Variants in CDH13 observed in about 807,000 individuals in gnomAD.
The protein encoded by CDH13 is cadherin-13.
In CDH13, 24 loss-of-function variants were observed where a neutral mutation model predicts 63.8. That is an observed-to-expected ratio of 0.38 (90% confidence interval 0.27 to 0.53). The LOEUF is 0.53. Among genes scored for constraint, CDH13 ranks in the 20% least tolerant of loss-of-function variants. The probability of loss-of-function intolerance (pLI) is 0.85; values close to 1 mark genes in which losing one functional copy is unlikely to be tolerated. For missense variants in CDH13, 1,049 were observed against 903.1 expected (o/e 1.16, Z -2.07); for synonymous variants, 503 against 355.3 (o/e 1.42, Z -4.67).
Position 82,980,562 on chromosome 16 carries a change from A to G in CDH13, c.158-51448A>G, listed in dbSNP as rs959147720. ...TTTTTTGAAGGCTCATTTCATGGTA[A>G]CACTGTGCGGAGCTCTTAAGTCAAA... is the stretch of plus-strand genomic sequence containing the variant. On this transcript the variant is annotated intron_variant, in intron 2 of 13. Transcript: ENST00000567109. Among the ~76,000 whole-genome samples, 4 of 152,226 alleles carry G rather than the reference A, an allele frequency of 2.6e-5. No individual in the cohort carries two copies. In the East Asian group the frequency reaches 7.7e-4, roughly 29 times the overall value.
intron 4 of CDH13, among the ~76,000 whole-genome samples, chr16:83,186,465 G>C (rs553898856): frequency 1.3e-5 from 2 of 152,088 alleles, no homozygotes; most frequent in Non-Finnish European, 2.9e-5. Flanking sequence ...TCGACTTTTC[G>C]AGACAGCCTT....
In CDH13 at chr16:82,993,193, A is replaced by G. The variant is rs370983497; in HGVS notation, c.158-38817A>G. ...TTCCTTCTGCTAACATTTTATGACTATTCTTTGTGGGTTAATTTCACATTT... is the reference window on the plus strand; with the variant it reads ...TTCCTTCTGCTAACATTTTATGACTGTTCTTTGTGGGTTAATTTCACATTT... On this transcript the variant is annotated intron_variant, in intron 2 of 13. Coordinates refer to ENST00000567109, the MANE Select transcript of CDH13 (RefSeq NM_001257.5). Among the ~76,000 whole-genome samples the G allele has an allele frequency of 3.9e-5, 6 of 152,248 alleles. No individual in the cohort carries two copies. In the South Asian group the frequency reaches 8.3e-4, roughly 21 times the overall value.
chr16:83,393,786 G>T (rs1025035752), intron 6 of CDH13, among the ~76,000 whole-genome samples: 3 of 152,158 alleles, frequency 2.0e-5, no homozygotes, highest in Non-Finnish European at 4.4e-5. Context: ...GCAATGCCAG[G>T]CTTCTGGCCT....
chr16:83,202,179 A>C (rs115653894), intron 4 of CDH13, among the ~76,000 whole-genome samples: 3,362 of 152,228 alleles, frequency 0.022, 52 homozygotes, highest in Middle Eastern at 0.061. Context: ...CTTCCGAAAG[A>C]AATGATCTTG....
intron 5 of CDH13, among the ~76,000 whole-genome samples, chr16:83,260,897 C>G (rs1002925029): frequency 2.6e-5 from 4 of 152,030 alleles, no homozygotes; most frequent in Admixed American, 1.3e-4. Flanking sequence ...CTAGAACTGA[C>G]AGTGAAATGG....
chr16:83,144,902 A>G (rs1419961854), intron 4 of CDH13, among the ~76,000 whole-genome samples: 2 of 152,172 alleles, frequency 1.3e-5, no homozygotes, highest in African/African-American at 4.8e-5. Context: ...CCTGGGCTGC[A>G]GAGGGTAGGT....
chr16:82,803,959 A>G (rs1432545461), intron 1 of CDH13, among the ~76,000 whole-genome samples: 1 of 152,154 alleles, frequency 6.6e-6, no homozygotes, highest in Non-Finnish European at 1.5e-5. Context: ...GCTGGGCGCC[A>G]TGGCTGATGC....
In CDH13 at chr16:83,397,028, A is replaced by G. The variant is rs182704343; in HGVS notation, c.781+52022A>G. Among the ~76,000 whole-genome samples, 22 of 152,232 alleles carry G rather than the reference A, an allele frequency of 1.4e-4. No homozygotes were observed. The East Asian group carries it at 3.1e-3, about 21-fold the overall frequency. On this transcript the variant is annotated intron_variant, in intron 6 of 13. Transcript: ENST00000567109. Reference sequence around the variant, plus strand: ...TGGGAAGCCAAGCAGCCTTGGCTAAAAAGCCTGCAGCTGTGATCTATGTCC... The same window carrying G: ...TGGGAAGCCAAGCAGCCTTGGCTAAGAAGCCTGCAGCTGTGATCTATGTCC...
chr16:83,692,508 T>G (rs181677683), intron 10 of CDH13, among the ~76,000 whole-genome samples: 118 of 152,340 alleles, frequency 7.7e-4, no homozygotes, highest in African/African-American at 2.8e-3. Context: ...CTGTCCCGGT[T>G]TCTTTCCATT....
At chr16:83,239,676 A>T (rs2151813209) in intron 5 of CDH13, among the ~76,000 whole-genome samples, 1 of 152,268 alleles carries the variant, frequency 6.6e-6, no homozygotes, top group Admixed American at 6.5e-5. Flanking sequence ...TTCTACTCTC[A>T]TTCACTCACT....
At chr16:83,435,416 T>G (rs1009576503) in intron 6 of CDH13, among the ~76,000 whole-genome samples, 1 of 152,126 alleles carries the variant, frequency 6.6e-6, no homozygotes, top group African/African-American at 2.4e-5. Context: ...TGTCATCCCC[T>G]TCAAAGCCTT....
At chr16:82,857,755 A>G (rs928940675) in intron 1 of CDH13, among the ~76,000 whole-genome samples, 1 of 152,234 alleles carries the variant, frequency 6.6e-6, no homozygotes, top group Non-Finnish European at 1.5e-5. Context: ...TGTAATTAAT[A>G]TGAAATTATT....
At chr16:83,083,922 A>T (rs920117524) in intron 3 of CDH13, among the ~76,000 whole-genome samples, 2 of 152,232 alleles carry the variant, frequency 1.3e-5, no homozygotes, top group Non-Finnish European at 2.9e-5. Flanking sequence ...AGATAGCTCC[A>T]GGTAAGTCTC....
chr16:83,496,049 A>C (rs1198313483), intron 7 of CDH13, among the ~76,000 whole-genome samples: 1 of 151,636 alleles, frequency 6.6e-6, no homozygotes, highest in Non-Finnish European at 1.5e-5. Flanking sequence ...GCTCATGGGT[A>C]GGAAGAATCA....
intron 4 of CDH13, among the ~76,000 whole-genome samples, chr16:83,203,220 G>A (rs563538186): frequency 9.2e-5 from 14 of 151,976 alleles, no homozygotes; most frequent in East Asian, 3.9e-4. Context: ...GCAAAACCCC[G>A]TCTCAAAAAA....
intron 8 of CDH13, among the ~76,000 whole-genome samples, chr16:83,635,716 G>A (rs571914949): frequency 2.6e-4 from 40 of 152,150 alleles, no homozygotes; most frequent in Admixed American, 1.1e-3. Context: ...ATCCTTTGTC[G>A]GAGATGTGGC....
chr16:83,540,038 T>G (rs1431577197), intron 7 of CDH13, among the ~76,000 whole-genome samples: 1 of 151,958 alleles, frequency 6.6e-6, no homozygotes, highest in African/African-American at 2.4e-5. Context: ...GACTGATTTT[T>G]AAAATTCTTT....
intron 5 of CDH13, among the ~76,000 whole-genome samples, chr16:83,335,521 CCTAAGG>C (rs1325271324): frequency 1.3e-5 from 2 of 151,962 alleles, no homozygotes; most frequent in African/African-American, 4.8e-5. Context: ...TGTTTCTTGC[CCTAAGG>C]GAGGAGACCA....
intron 5 of CDH13, among the ~76,000 whole-genome samples, chr16:83,253,529 G>A (rs1479993172): frequency 2.0e-5 from 3 of 152,340 alleles, no homozygotes; most frequent in Non-Finnish European, 2.9e-5. Flanking sequence ...GTCTGACAAC[G>A]TGAAAGCTGG....
Sources: allele counts gnomAD v4.1 joint callset (sites outside exome capture counted in the v4.1 genomes callset), GRCh38; gene constraint gnomAD v4.1.1; transcripts MANE v1.5; gene names NCBI Gene and HGNC (gene_info 2026-07-23, HGNC 2026-07-21).